The following VPS8 variants were observed in gnomAD, a reference collection of about 807,000 sequenced individuals.
VPS8 encodes the protein vacuolar protein sorting-associated protein 8 homolog.
In VPS8, 129 loss-of-function variants were observed where a neutral mutation model predicts 216.4. The observed-to-expected ratio is 0.60, with a 90% CI of 0.52 to 0.69. The LOEUF (loss-of-function observed/expected upper bound fraction) is 0.69, where lower values mean the gene tolerates loss of function less well. Ranked by LOEUF, VPS8 falls within the 30% of genes least tolerant of loss-of-function variation. The pLI is 0.00. For missense variants in VPS8, 1,531 were observed against 1,683.5 expected (o/e 0.91, Z 1.59); for synonymous variants, 571 against 565.4 (o/e 1.01, Z -0.14).
chr3:184,968,123 A>G (rs1347036080), intron 39 of VPS8, among the ~76,000 whole-genome samples: 1 of 152,196 alleles, frequency 6.6e-6, no homozygotes, highest in Non-Finnish European at 1.5e-5. Flanking sequence ...CAAGTATCTC[A>G]TATGAATGAA....
At chr3:184,966,169 C>A (rs2109571322) in intron 38 of VPS8, among the ~76,000 whole-genome samples, 1 of 152,168 alleles carries the variant, frequency 6.6e-6, no homozygotes, top group African/African-American at 2.4e-5. Flanking sequence ...TGAGAGGGAG[C>A]AAGAGTGGGG....
At position 185,051,866 on chromosome 3, in the gene VPS8, T is replaced by C. The variant is rs1312645633; in HGVS notation, c.4138-10T>C. On this transcript the variant is annotated splice_polypyrimidine_tract_variant and intron_variant, in intron 47 of 47. Coordinates refer to ENST00000625842, the MANE Select transcript of VPS8 (RefSeq NM_001009921.3). ...ACAAACCTTAGCTGATGTGTGTCCT[T>C]CCTTTGCAGCTGGCTCTCCTCACGG... The C allele has an allele frequency of 6.3e-7, 1 of 1,589,356 alleles. No homozygotes were observed. Among genetic ancestry groups the C allele is most frequent in the African/African-American group, 1.3e-5 (1 of 74,308 alleles).
At chr3:185,046,591 C>A (rs560514490) in intron 46 of VPS8, among the ~76,000 whole-genome samples, 1 of 152,192 alleles carries the variant, frequency 6.6e-6, no homozygotes, top group South Asian at 2.1e-4. Flanking sequence ...TGATTTCATC[C>A]CATTGTTCTT....
chr3:184,915,125 T>C (rs1578219979), intron 27 of VPS8, 72 bp downstream of exon 27: 1 of 1,541,934 alleles, frequency 6.5e-7, no homozygotes, highest in East Asian at 2.2e-5. Flanking sequence ...CAAATTGCAG[T>C]TGAGGCTTAC....
At chr3:184,984,000 C>T (rs1181112888) in intron 42 of VPS8, among the ~76,000 whole-genome samples, 9 of 150,012 alleles carry the variant, frequency 6.0e-5, no homozygotes, top group African/African-American at 1.5e-4. Context: ...CTGGATAACA[C>T]GGTGAAACCC....
chr3:185,033,846 A>G (rs1400207334), intron 46 of VPS8, among the ~76,000 whole-genome samples: 4 of 152,000 alleles, frequency 2.6e-5, no homozygotes, highest in East Asian at 1.9e-4. Flanking sequence ...ATGGTATCTC[A>G]TTTTCTTAAA....
chr3:184,943,737 T>A (rs1743147544), intron 36 of VPS8, among the ~76,000 whole-genome samples: 1 of 152,230 alleles, frequency 6.6e-6, no homozygotes, highest in Non-Finnish European at 1.5e-5. Context: ...CTTTTTTTGC[T>A]CTTGCCGCCA....
chr3:184,828,601 A>G (rs572697158), intron 3 of VPS8, among the ~76,000 whole-genome samples: 3 of 151,988 alleles, frequency 2.0e-5, no homozygotes, highest in South Asian at 4.2e-4. Flanking sequence ...TTTTTCCCCT[A>G]TTTCCTTCCA....
chr3:184,873,860 G>A (rs1728778103), intron 21 of VPS8, among the ~76,000 whole-genome samples: 2 of 152,082 alleles, frequency 1.3e-5, no homozygotes, highest in Admixed American at 6.6e-5. Context: ...AAGTAACTTT[G>A]CGTCAATTTT....
chr3:184,959,120 G>T (rs1241052208), intron 37 of VPS8, among the ~76,000 whole-genome samples: 1 of 152,012 alleles, frequency 6.6e-6, no homozygotes, highest in Non-Finnish European at 1.5e-5. Flanking sequence ...TTTTCTTGAG[G>T]CCCCCAAATA....
intron 31 of VPS8, among the ~76,000 whole-genome samples, chr3:184,926,922 A>G (rs975152191): frequency 2.0e-5 from 3 of 152,192 alleles, no homozygotes; most frequent in African/African-American, 7.2e-5. Flanking sequence ...ATATAGCAAC[A>G]GCTAGGACTT....
chr3:184,988,411 A>C (rs1751432465), intron 42 of VPS8, among the ~76,000 whole-genome samples: 1 of 152,218 alleles, frequency 6.6e-6, no homozygotes, highest in Non-Finnish European at 1.5e-5. Context: ...TAGTTCCAAC[A>C]CTGCTTGTTG....
intron 46 of VPS8, 22 bp from the exon 47 acceptor site, chr3:185,048,457 C>A: frequency 6.2e-7 from 1 of 1,612,954 alleles, no homozygotes; most frequent in South Asian, 1.1e-5. Context: ...TGTTGTTAAT[C>A]GTATCGGTTT....
At chr3:184,978,221 A>G (rs1260461428) in intron 40 of VPS8, among the ~76,000 whole-genome samples, 3 of 151,986 alleles carry the variant, frequency 2.0e-5, no homozygotes, top group Non-Finnish European at 4.4e-5. Flanking sequence ...GTTTGTGTGC[A>G]TAGAGGTGTT....
intron 2 of VPS8, 37 bp from the exon 3 acceptor site, chr3:184,826,126 C>A: frequency 6.8e-7 from 1 of 1,460,518 alleles, no homozygotes; most frequent in East Asian, 2.3e-5. Context: ...AGCAGAAAGG[C>A]ATCATTTTGT....
At chr3:184,891,479 A>G (rs1174270329) in intron 22 of VPS8, among the ~76,000 whole-genome samples, 2 of 152,218 alleles carry the variant, frequency 1.3e-5, no homozygotes, top group African/African-American at 2.4e-5. Context: ...CCAACCTAAT[A>G]TCAAAGCTGG....
intron 46 of VPS8, among the ~76,000 whole-genome samples, chr3:185,035,377 G>A (rs546002491): frequency 1.1e-4 from 17 of 152,060 alleles, no homozygotes; most frequent in African/African-American, 3.1e-4. Flanking sequence ...CCAGCAAACC[G>A]AATCCACCAG....
intron 21 of VPS8, among the ~76,000 whole-genome samples, chr3:184,878,570 C>G (rs904426723): frequency 6.6e-5 from 10 of 152,144 alleles, no homozygotes; most frequent in African/African-American, 2.2e-4. Context: ...ACAGTGACTA[C>G]AAGCCAAACA....
At chr3:184,909,260 T>G (rs1736057109) in intron 25 of VPS8, among the ~76,000 whole-genome samples, 1 of 152,236 alleles carries the variant, frequency 6.6e-6, no homozygotes, top group Non-Finnish European at 1.5e-5. Context: ...TTCCTGAGAT[T>G]CAGGCATTTT....
Sources: gnomAD v4.1 joint callset for allele counts (sites outside exome capture counted in the v4.1 genomes callset) on GRCh38, gnomAD v4.1.1 for gene constraint, MANE v1.5 for transcripts, NCBI Gene and HGNC (gene_info 2026-07-23, HGNC 2026-07-21) for gene names.